PRKN: variants seen among roughly 807,000 people sequenced by gnomAD.
PRKN encodes the protein parkin RBR E3 ubiquitin protein ligase, also known as E3 ubiquitin-protein ligase parkin.
In PRKN, 56 loss-of-function variants were observed where a neutral mutation model predicts 59.5. The ratio of observed to expected loss-of-function variants is 0.94; its 90% CI spans 0.76 to 1.18. PRKN has a LOEUF of 1.18. PRKN is among the 50% of genes most tolerant of loss of function. The pLI, the probability that PRKN is intolerant of heterozygous loss-of-function variation, is 0.00. For synonymous variants in PRKN, 250 were observed against 222.1 expected (o/e 1.13, Z -1.12); for missense variants, 657 against 596.4 (o/e 1.10, Z -1.06).
chr6:162,478,016 C>T (rs1792110848), intron 1 of PRKN, among the ~76,000 whole-genome samples: 1 of 152,046 alleles, frequency 6.6e-6, no homozygotes, highest in South Asian at 2.1e-4. Flanking sequence ...TCCTAGAGCA[C>T]AGGGTCCTAG....
At chr6:162,444,371 G>A (rs1213871012) in intron 1 of PRKN, among the ~76,000 whole-genome samples, 1 of 151,916 alleles carries the variant, frequency 6.6e-6, no homozygotes, top group Admixed American at 6.6e-5. Flanking sequence ...AATCCTTTAA[G>A]TCTCACACTG....
In PRKN at chr6:161,409,119, T is replaced by C. The variant is rs1452005874; in HGVS notation, c.1084-22242A>G. On this transcript the variant is annotated intron_variant, in intron 9 of 11. Transcript: ENST00000366898. The surrounding 1 kb of genome is among the most constrained non-coding windows in gnomAD (Gnocchi z 4.6). ...CATCACCATGCCCAGCTAATTTTTG[T>C]ACTTTTAGTAGAGATGGGGTTTCAC... 2.0e-5 allele frequency among the ~76,000 whole-genome samples: 3 copies of C among 152,102 alleles called. No individual in the cohort carries two copies. The highest frequency in any genetic ancestry group is 7.2e-5 in the African/African-American group (3 of 41,402).
intron 4 of PRKN, among the ~76,000 whole-genome samples, chr6:162,118,182 C>T (rs374604864): frequency 3.3e-5 from 5 of 151,868 alleles, no homozygotes; most frequent in Non-Finnish European, 5.9e-5. Flanking sequence ...GAGGCCGAGG[C>T]GGGTGGATCA....
In PRKN at chr6:161,529,201, T is replaced by C. The variant is rs1301794045; in HGVS notation, c.1083+19653A>G. On this transcript the variant is annotated intron_variant, in intron 9 of 11. Transcript: ENST00000366898. This position sits in a 1 kb window ranked among gnomAD's most constrained non-coding sequence, Gnocchi z 4.4. ...GGTATTGAAAGGCAAGAGTCTCATC[T>C]TCGAATATCTGATTTGATGAGTGAT... 6.6e-6 allele frequency among the ~76,000 whole-genome samples: 1 copy of C among 152,166 alleles called. No individual in the cohort carries two copies. Among genetic ancestry groups the C allele is most frequent in the African/African-American group, 2.4e-5 (1 of 41,426 alleles).
intron 4 of PRKN, among the ~76,000 whole-genome samples, chr6:162,120,550 C>A (rs1192694143): frequency 6.6e-6 from 1 of 152,164 alleles, no homozygotes; most frequent in Admixed American, 6.5e-5. Flanking sequence ...AAAGTGGAGG[C>A]TTTTGGTGGT....
rs959741986 is a variant in PRKN, at chr6:161,838,036, G to A, written c.735-52128C>T. Among the ~76,000 whole-genome samples the A allele has an allele frequency of 6.6e-5, 10 of 152,214 alleles. No homozygotes were observed. The East Asian group carries it at 1.2e-3, about 18-fold the overall frequency. ...AACCCCCTTGCCTAGGACAGAAAGC[G>A]GCTGAAGGAGGGCTCTGCCTCAAGT... is the stretch of plus-strand genomic sequence containing the variant. On this transcript the variant is annotated intron_variant, in intron 6 of 11. Coordinates refer to ENST00000366898, the MANE Select transcript of PRKN (RefSeq NM_004562.3).
chr6:161,412,028 T>C (rs1424899669), intron 9 of PRKN, among the ~76,000 whole-genome samples: 78 of 141,168 alleles, frequency 5.5e-4, no homozygotes, highest in African/African-American at 6.2e-4. Context: ...CATTCACTCA[T>C]TCATTCCTCC....
chr6:162,149,013 G>C (rs2128313152), intron 4 of PRKN, among the ~76,000 whole-genome samples: 1 of 152,178 alleles, frequency 6.6e-6, no homozygotes, highest in South Asian at 2.1e-4. Context: ...TCATACTTAA[G>C]ATATGGATTT....
intron 7 of PRKN, among the ~76,000 whole-genome samples, chr6:161,737,748 C>T (rs1004986549): frequency 6.6e-6 from 1 of 152,122 alleles, no homozygotes; most frequent in Non-Finnish European, 1.5e-5. Context: ...ACTCCATAAA[C>T]ATGGCAGGAA....
intron 1 of PRKN, among the ~76,000 whole-genome samples, chr6:162,623,656 T>C (rs1161414150): frequency 5.3e-5 from 8 of 152,214 alleles, no homozygotes; most frequent in South Asian, 2.1e-4. Flanking sequence ...CTGCTTCATT[T>C]GTCTTAAATC....
intron 3 of PRKN, among the ~76,000 whole-genome samples, chr6:162,256,122 A>G (rs1345378782): frequency 6.6e-6 from 1 of 152,168 alleles, no homozygotes; most frequent in Non-Finnish European, 1.5e-5. Context: ...AAAATTAATT[A>G]TAGTCAAATA....
intron 1 of PRKN, among the ~76,000 whole-genome samples, chr6:162,612,578 CA>C (rs1782238621): frequency 1.7e-5 from 2 of 115,930 alleles, no homozygotes; most frequent in Admixed American, 1.1e-4. Context: ...GCCTGAGCAA[CA>C]AGAGTGAAAC....
intron 2 of PRKN, among the ~76,000 whole-genome samples, chr6:162,390,222 T>C (rs28619029): frequency 3.3e-5 from 5 of 151,952 alleles, no homozygotes; most frequent in Non-Finnish European, 7.4e-5. Context: ...AACTGCTTTT[T>C]AAAAATTAAA....
rs569692778 is a variant in PRKN at position 161,562,440 on chromosome 6, G to A, written c.933+6915C>T. On this transcript the variant is annotated intron_variant, in intron 8 of 11. Transcript: ENST00000366898. This position sits in a 1 kb window ranked among gnomAD's most constrained non-coding sequence, Gnocchi z 4.3. ...ATTTCCAAACACTGGTGTTCCTTAC[G>A]GTTCATCCAATCACGGTCTCTCCTT... 2.6e-5 allele frequency among the ~76,000 whole-genome samples: 4 copies of A among 152,224 alleles called. No individual in the cohort carries two copies. The highest frequency in any genetic ancestry group is 1.9e-4 in the East Asian group (1 of 5,174).
intron 2 of PRKN, among the ~76,000 whole-genome samples, chr6:162,436,154 C>T (rs536846073): frequency 5.8e-5 from 6 of 102,966 alleles, no homozygotes; most frequent in South Asian, 3.5e-4. Context: ...CCAGCCTAGG[C>T]GACAGAGTAA....
At chr6:161,514,534 C>A (rs780416558) in intron 9 of PRKN, among the ~76,000 whole-genome samples, 1 of 152,048 alleles carries the variant, frequency 6.6e-6, no homozygotes, top group African/African-American at 2.4e-5. Flanking sequence ...CAGATCTGAA[C>A]GCGAGGGACA....
At chr6:162,504,152 C>G (rs1793503508) in intron 1 of PRKN, among the ~76,000 whole-genome samples, 1 of 152,090 alleles carries the variant, frequency 6.6e-6, no homozygotes, top group South Asian at 2.1e-4. Flanking sequence ...AGAGGGAAGG[C>G]CAACCCGGAG....
intron 1 of PRKN, among the ~76,000 whole-genome samples, chr6:162,597,726 A>C (rs1781547121): frequency 6.6e-6 from 1 of 152,208 alleles, no homozygotes; most frequent in Admixed American, 6.5e-5. Flanking sequence ...CTTGATCACT[A>C]TTCAGTAATA....
At chr6:162,285,321 C>A (rs1372026429) in intron 2 of PRKN, among the ~76,000 whole-genome samples, 3 of 124,060 alleles carry the variant, frequency 2.4e-5, no homozygotes, top group Non-Finnish European at 4.8e-5. Flanking sequence ...ATACTCTTGA[C>A]ATAACATCTG....
Sources: gnomAD v4.1 joint callset for allele counts (sites outside exome capture counted in the v4.1 genomes callset) on GRCh38, gnomAD v4.1.1 for gene constraint, Gnocchi (gnomAD v3.1) non-coding constraint, MANE v1.5 for transcripts, NCBI Gene and HGNC (gene_info 2026-07-23, HGNC 2026-07-21) for gene names.